CDK13: variants seen among roughly 807,000 people sequenced by gnomAD.
The protein encoded by CDK13 is cyclin-dependent kinase 13.
In CDK13, 40 loss-of-function variants were observed where a neutral mutation model predicts 137.6. The observed-to-expected ratio is 0.29, with a 90% CI of 0.23 to 0.38. The LOEUF is 0.38. Among genes scored for constraint, CDK13 ranks in the 10% least tolerant of loss-of-function variants. CDK13 has a pLI of 1.00. For missense variants in CDK13, 1,704 were observed against 1,951.8 expected (o/e 0.87, Z 2.39); for synonymous variants, 869 against 760.1 (o/e 1.14, Z -2.36).
intron 1 of CDK13, chr7:39,986,792 G>C (rs576472024): frequency 6.6e-6 from 1 of 152,208 alleles, no homozygotes; most frequent in East Asian, 1.9e-4. Flanking sequence ...GTGTGTTTAC[G>C]TGAGTAAAGT....
intron 3 of CDK13, chr7:39,998,340 T>TC (rs1489777918): frequency 6.8e-6 from 1 of 147,850 alleles, no homozygotes; most frequent in African/African-American, 2.5e-5. Flanking sequence ...GCACAGTGGC[T>TC]CATGCCTGTA....
chr7:40,072,039 G>A (rs1419310022), intron 9 of CDK13: 2 of 152,178 alleles, frequency 1.3e-5, no homozygotes, highest in African/African-American at 4.8e-5. Flanking sequence ...AAGTGCTTAT[G>A]AGTATTTCCC....
intron 1 of CDK13, among the ~76,000 whole-genome samples, chr7:39,965,102 T>C (rs1267702481): frequency 6.6e-6 from 1 of 152,216 alleles, no homozygotes; most frequent in Non-Finnish European, 1.5e-5. Context: ...TATATTCTGT[T>C]GATTTGGGGT....
At chr7:40,081,301 G>A (rs955293004) in intron 11 of CDK13, among the ~76,000 whole-genome samples, 1 of 152,230 alleles carries the variant, frequency 6.6e-6, no homozygotes, top group Admixed American at 6.5e-5. Flanking sequence ...TGGTAACTTT[G>A]ACCAAGAGAT....
chr7:39,966,367 C>T (rs1169283082), intron 1 of CDK13, among the ~76,000 whole-genome samples: 2 of 151,874 alleles, frequency 1.3e-5, no homozygotes, highest in East Asian at 1.9e-4. Context: ...TTTCATCTTC[C>T]ATCACTGATA....
At chr7:40,056,447 T>TG (rs1786021919) in intron 7 of CDK13, among the ~76,000 whole-genome samples, 1 of 152,166 alleles carries the variant, frequency 6.6e-6, no homozygotes, top group African/African-American at 2.4e-5. Flanking sequence ...CTCTGGAAAA[T>TG]GAACATTTGC....
At chr7:39,990,098 T>C (rs1784427520) in intron 2 of CDK13, among the ~76,000 whole-genome samples, 1 of 152,180 alleles carries the variant, frequency 6.6e-6, no homozygotes, top group Non-Finnish European at 1.5e-5. Context: ...TTATTCTTCA[T>C]GTATGCTTTA....
chr7:39,964,203 C>T (rs1247218115), intron 1 of CDK13, among the ~76,000 whole-genome samples: 1 of 152,154 alleles, frequency 6.6e-6, no homozygotes, highest in Admixed American at 6.5e-5. Flanking sequence ...GGTACCAGCT[C>T]CTCCTTGTAC....
chr7:40,022,064 A>G (rs1375159456), intron 5 of CDK13, among the ~76,000 whole-genome samples: 1 of 152,204 alleles, frequency 6.6e-6, no homozygotes, highest in Non-Finnish European at 1.5e-5. Context: ...GCAGCTCACT[A>G]TCACTAGTGG....
intron 11 of CDK13, among the ~76,000 whole-genome samples, chr7:40,084,959 A>C (rs1000632313): frequency 1.3e-5 from 2 of 152,214 alleles, no homozygotes; most frequent in African/African-American, 4.8e-5. Context: ...GACATTCCTG[A>C]TCCATCTGAA....
intron 1 of CDK13, among the ~76,000 whole-genome samples, chr7:39,976,169 C>T (rs183992130): frequency 4.0e-5 from 6 of 151,732 alleles, no homozygotes; most frequent in East Asian, 1.9e-4. Flanking sequence ...TGGTGGGTGC[C>T]GTAATCCCAG....
At chr7:40,026,571 C>T (rs1473943386) in intron 5 of CDK13, among the ~76,000 whole-genome samples, 2 of 152,102 alleles carry the variant, frequency 1.3e-5, no homozygotes, top group African/African-American at 4.8e-5. Flanking sequence ...TTTTCTTACT[C>T]TTTCCTTAAA....
At chr7:39,966,435 C>G (rs540677519) in intron 1 of CDK13, among the ~76,000 whole-genome samples, 22 of 152,326 alleles carry the variant, frequency 1.4e-4, no homozygotes, top group African/African-American at 4.8e-4. Flanking sequence ...TCACGTAGTT[C>G]TTGTGCCTTG....
intron 5 of CDK13, among the ~76,000 whole-genome samples, chr7:40,030,261 GTATA>G (rs1247848274): frequency 1.7e-4 from 25 of 143,378 alleles, no homozygotes; most frequent in East Asian, 7.8e-4. Context: ...ATGTGTGTGT[GTATA>G]TATATATATA....
chr7:40,058,559 A>G (rs1786071082), intron 7 of CDK13, among the ~76,000 whole-genome samples: 1 of 139,748 alleles, frequency 7.2e-6, no homozygotes, highest in East Asian at 2.5e-4. Context: ...AATAATAAAA[A>G]CAAAAACGGG....
At chr7:40,080,932 A>G (rs1271253464) in intron 11 of CDK13, among the ~76,000 whole-genome samples, 2 of 152,194 alleles carry the variant, frequency 1.3e-5, no homozygotes, top group African/African-American at 2.4e-5. Context: ...GAAATTTAAC[A>G]TGAGAATATT....
At chr7:39,953,247 TTGA>T (rs1787294315) in intron 1 of CDK13, among the ~76,000 whole-genome samples, 1 of 152,252 alleles carries the variant, frequency 6.6e-6, no homozygotes, top group Non-Finnish European at 1.5e-5. Context: ...AAAATGTTAG[TTGA>T]TACCTTAGCG....
intron 7 of CDK13, among the ~76,000 whole-genome samples, chr7:40,056,214 T>C (rs1786017604): frequency 6.6e-6 from 1 of 152,224 alleles, no homozygotes; most frequent in African/African-American, 2.4e-5. Flanking sequence ...ATTAGAGAGG[T>C]AGAAAGTGAG....
intron 2 of CDK13, among the ~76,000 whole-genome samples, chr7:39,989,867 C>G (rs1583954500): frequency 6.6e-6 from 1 of 151,216 alleles, no homozygotes; most frequent in Admixed American, 6.6e-5. Flanking sequence ...ACTGCAAGCT[C>G]TGCCTCCTGG....
Sources: allele counts gnomAD v4.1 joint callset (sites outside exome capture counted in the v4.1 genomes callset), GRCh38; gene constraint gnomAD v4.1.1; transcripts MANE v1.5; gene names NCBI Gene and HGNC (gene_info 2026-07-23, HGNC 2026-07-21).